Variants in ESRRB observed in about 807,000 individuals in gnomAD.
The protein encoded by ESRRB is estrogen related receptor beta.
ESRRB carries 16 observed loss-of-function variants against 46.0 expected under a neutral mutation model. The ratio of observed to expected loss-of-function variants is 0.35; its 90% CI spans 0.24 to 0.53. ESRRB has a LOEUF of 0.53. Ranked by LOEUF, ESRRB falls within the 20% of genes least tolerant of loss-of-function variation. The probability of loss-of-function intolerance (pLI) is 0.93; values close to 1 mark genes in which losing one functional copy is unlikely to be tolerated. For synonymous variants in ESRRB, 246 were observed against 259.6 expected, an observed-to-expected ratio of 0.95 and a Z score of 0.50; for missense variants, 488 against 607.4, an observed-to-expected ratio of 0.80 and a Z score of 2.07.
intron 1 of ESRRB, among the ~76,000 whole-genome samples, chr14:76,381,812 G>A (rs1376773714): frequency 5.3e-5 from 8 of 152,142 alleles, no homozygotes; most frequent in African/African-American, 1.9e-4. Flanking sequence ...TCATAGGAGA[G>A]CACAGGCTCA....
chr14:76,485,778 T>C (rs887229623), intron 5 of ESRRB, among the ~76,000 whole-genome samples: 3 of 152,142 alleles, frequency 2.0e-5, no homozygotes, highest in Non-Finnish European at 4.4e-5. Context: ...AGAGGGGGAC[T>C]GGCCACTGCA....
intron 1 of ESRRB, among the ~76,000 whole-genome samples, chr14:76,358,820 CTT>C (rs1884429814): frequency 6.6e-6 from 1 of 152,320 alleles, no homozygotes; most frequent in Middle Eastern, 3.4e-3. Context: ...AGAAGACAGA[CTT>C]AAGAGCTTAA....
chr14:76,440,588 C>CCT (rs142942413), intron 2 of ESRRB, among the ~76,000 whole-genome samples: 9 of 149,842 alleles, frequency 6.0e-5, no homozygotes, highest in Admixed American at 1.3e-4. Flanking sequence ...TTCCTCCCTT[C>CCT]CTCTCTCTCT....
In ESRRB at chr14:76,486,005, G is replaced by A. The variant is rs573213181; in HGVS notation, c.850+3246G>A. Among the ~76,000 whole-genome samples, 11 of 152,286 alleles carry A rather than the reference G, an allele frequency of 7.2e-5. No homozygotes were observed. In the East Asian group the frequency reaches 1.3e-3, roughly 19 times the overall value. On this transcript the variant is annotated intron_variant, in intron 5 of 6. Transcript: ENST00000644823. ...AAGGCTGACATCCAGGGGGAGCTTG[G>A]TTCACTCAGAATCCCAGCCATTGTT...
chr14:76,348,572 GTC>G, intron 1 of ESRRB, among the ~76,000 whole-genome samples: 1 of 152,280 alleles, frequency 6.6e-6, no homozygotes, highest in South Asian at 2.1e-4. Context: ...AGGTCACTCA[GTC>G]TCTCCAAGCC....
intron 6 of ESRRB, 66 bp downstream of exon 6, chr14:76,491,782 C>T: frequency 6.8e-7 from 1 of 1,475,650 alleles, no homozygotes; most frequent in African/African-American, 1.4e-5. Context: ...ATGAGCCCAT[C>T]CCTGGGGCCT....
Position 76,479,411 on chromosome 14 carries a change from C to T in ESRRB, c.578-2605C>T, listed in dbSNP as rs573384419. Among the ~76,000 whole-genome samples the T allele has an allele frequency of 4.6e-5, 7 of 152,322 alleles. No individual in the cohort carries two copies. The East Asian group carries it at 1.4e-3, about 29-fold the overall frequency. On this transcript the variant is annotated intron_variant, in intron 3 of 6. Coordinates refer to ENST00000644823, the MANE Select transcript of ESRRB (RefSeq NM_001379180.1). Reference sequence around the variant, plus strand: ...TCCTCAGGAACACATTTGTTATTGGCTTTCTTCCCTCCTTGGAAACTGCTC... The same window carrying T: ...TCCTCAGGAACACATTTGTTATTGGTTTTCTTCCCTCCTTGGAAACTGCTC...
At chr14:76,476,640 G>A (rs1408661411) in intron 3 of ESRRB, among the ~76,000 whole-genome samples, 2 of 152,232 alleles carry the variant, frequency 1.3e-5, no homozygotes, top group Admixed American at 6.5e-5. Context: ...AGCTAGCAGC[G>A]TAAGCATGGA....
chr14:76,315,673 C>T lies in ESRRB; in HGVS notation c.2+4757C>T, dbSNP rs115914325. Among the ~76,000 whole-genome samples, 704 of 152,296 alleles carry T rather than the reference C, an allele frequency of 4.6e-3. 5 individuals are homozygous for T. The highest frequency in any genetic ancestry group is 0.016 in the African/African-American group (685 of 41,556). ...ACTCGCTTCTGCACACATCATGTCA[C>T]ACCATTAAAGACAGGCTCCCACACC... On this transcript the variant is annotated intron_variant, in intron 1 of 6. Coordinates refer to the ESRRB transcript ENST00000512784.
intron 1 of ESRRB, among the ~76,000 whole-genome samples, chr14:76,417,190 G>C (rs972993352): frequency 6.6e-6 from 1 of 152,146 alleles, no homozygotes; most frequent in South Asian, 2.1e-4. Context: ...AGGGGTCAGG[G>C]TGTCTTCCCT....
intron 1 of ESRRB, among the ~76,000 whole-genome samples, chr14:76,311,817 G>A (rs1207799591): frequency 1.3e-5 from 2 of 151,976 alleles, no homozygotes; most frequent in Non-Finnish European, 2.9e-5. Context: ...GGGCCTTCCC[G>A]GCCACAGTCC....
intron 1 of ESRRB, among the ~76,000 whole-genome samples, chr14:76,427,435 A>C (rs1280244983): frequency 6.6e-6 from 1 of 152,030 alleles, no homozygotes; most frequent in Non-Finnish European, 1.5e-5. Context: ...CCTTCACAGG[A>C]GAGAAGCTAG....
intron 6 of ESRRB, among the ~76,000 whole-genome samples, chr14:76,494,627 T>C (rs1303308286): frequency 6.6e-6 from 1 of 152,124 alleles, no homozygotes; most frequent in Non-Finnish European, 1.5e-5. Flanking sequence ...TATTGTTCTA[T>C]AGGTTTTGAC....
chr14:76,336,673 C>G (rs1595048512), intron 1 of ESRRB, among the ~76,000 whole-genome samples: 1 of 152,158 alleles, frequency 6.6e-6, no homozygotes, highest in South Asian at 2.1e-4. Flanking sequence ...TGAGAGGAAG[C>G]CACTGAAAGC....
chr14:76,321,724 TTTATC>T (rs530999358), intron 1 of ESRRB, among the ~76,000 whole-genome samples: 38 of 152,082 alleles, frequency 2.5e-4, no homozygotes, highest in Non-Finnish European at 4.6e-4. Flanking sequence ...CTTCCTACAG[TTTATC>T]TCACTTATCC....
intron 1 of ESRRB, chr14:76,407,607 T>A: frequency 1.0e-6 from 1 of 985,824 alleles, no homozygotes; most frequent in Non-Finnish European, 1.2e-6. Context: ...GTAAGTTGGG[T>A]CCAGTCGGGC....
intron 3 of ESRRB, among the ~76,000 whole-genome samples, 197 bp from the exon 4 acceptor site, chr14:76,481,819 G>A (rs962135296): frequency 1.1e-4 from 17 of 152,168 alleles, no homozygotes; most frequent in African/African-American, 2.9e-4. Context: ...CTGGGGCAAC[G>A]GGATGCGCCA....
intron 1 of ESRRB, among the ~76,000 whole-genome samples, chr14:76,404,059 T>C (rs1422680142): frequency 6.6e-6 from 1 of 152,168 alleles, no homozygotes; most frequent in African/African-American, 2.4e-5. Context: ...TGGTGTGACT[T>C]GGACAAGTCT....
intron 1 of ESRRB, among the ~76,000 whole-genome samples, chr14:76,354,224 G>GCAC (rs1426630301): frequency 2.9e-5 from 1 of 34,564 alleles, no homozygotes; most frequent in Non-Finnish European, 4.9e-5. Flanking sequence ...TCCTCTACCC[G>GCAC]CCCCCCCCCC....
Sources: allele counts gnomAD v4.1 joint callset (sites outside exome capture counted in the v4.1 genomes callset), GRCh38; gene constraint gnomAD v4.1.1; transcripts MANE v1.5; gene names NCBI Gene and HGNC (gene_info 2026-07-23, HGNC 2026-07-21).